Variants in ZNF382 observed in about 807,000 individuals in gnomAD.
ZNF382 encodes zinc finger protein 382, also known as KRAB/zinc finger suppressor protein 1.
Under a neutral mutation model 38.8 loss-of-function variants are expected in ZNF382, and 20 were observed. The observed-to-expected ratio is 0.51, with a 90% CI of 0.36 to 0.75. ZNF382 has a LOEUF of 0.75. Among genes scored for constraint, ZNF382 ranks in the 30% least tolerant of loss-of-function variants. The pLI is 0.00. For synonymous variants in ZNF382, 202 were observed against 223.1 expected (o/e 0.91, Z 0.84); for missense variants, 546 against 654.1 (o/e 0.83, Z 1.80).
chr19:36,614,167 C>T (rs2037102244), intron 4 of ZNF382, among the ~76,000 whole-genome samples: 1 of 152,000 alleles, frequency 6.6e-6, no homozygotes, highest in Admixed American at 6.6e-5. Flanking sequence ...TGGTGAAACT[C>T]CGTCTCTACT....
At chr19:36,624,088 CAAAAA>C (rs536686594) in intron 4 of ZNF382, among the ~76,000 whole-genome samples, 2 of 131,970 alleles carry the variant, frequency 1.5e-5, no homozygotes, top group African/African-American at 5.6e-5. Flanking sequence ...GACTTTGTCT[CAAAAA>C]AAAAAAGGAA....
chr19:36,610,107 T>A, intron 3 of ZNF382, 54 bp downstream of exon 3: 1 of 1,593,446 alleles, frequency 6.3e-7, no homozygotes, highest in South Asian at 1.1e-5. Context: ...TAAGAATTCC[T>A]GAAACATATA....
intron 4 of ZNF382, among the ~76,000 whole-genome samples, chr19:36,613,506 C>G (rs2037095984): frequency 6.6e-6 from 1 of 150,962 alleles, no homozygotes; most frequent in Non-Finnish European, 1.5e-5. Flanking sequence ...TCACCGCAAC[C>G]TCCGCTTCCC....
At chr19:36,622,534 C>T (rs1382320714) in intron 4 of ZNF382, among the ~76,000 whole-genome samples, 2 of 152,170 alleles carry the variant, frequency 1.3e-5, no homozygotes, top group African/African-American at 4.8e-5. Flanking sequence ...ACGATACATA[C>T]AGAGTACCAC....
In ZNF382 at chr19:36,626,869, T is replaced by C. The variant is rs2037218230; in HGVS notation, c.972T>C (p.Tyr324=). Residue 324 remains tyrosine (Y), a synonymous_variant, in exon 5 of 5, where the codon TAT becomes TAC. Transcript: ENST00000292928. ...HQRIHTGEKP[Y]VCNQCGKAFR... ...GAATTCACACAGGTGAAAAACCTTA[T>C]GTTTGCAATCAATGTGGAAAGGCCT... 9 of 1,614,236 alleles carry C rather than the reference T, an allele frequency of 5.6e-6. No homozygotes were observed. Among genetic ancestry groups the C allele is most frequent in the East Asian group, 2.2e-5 (1 of 44,878 alleles).
chr19:36,633,229 G>C lies in ZNF382; in HGVS notation c.*5679G>C, dbSNP rs560073441. The C allele has an allele frequency of 6.6e-6, 1 of 152,104 alleles. No homozygotes were observed. Among genetic ancestry groups the C allele is most frequent in the Non-Finnish European group, 1.5e-5 (1 of 68,120 alleles). The allele number at this position is 152,104 out of a possible 1,614,324, so 9.4% of individuals were successfully genotyped here. A position where few individuals can be genotyped will look rare whatever the true frequency, so the allele number is the denominator to read the frequency against. On this transcript the variant is annotated 3_prime_UTR_variant, in exon 5 of 5. Coordinates refer to ENST00000292928, the MANE Select transcript of ZNF382 (RefSeq NM_032825.5). ...AATTTTTTGTATTTTTAGTAGAGAC[G>C]GGGTTTTACTGTGTTAGCCAGGGTG...
chr19:36,629,167 GC>G lies in ZNF382; in HGVS notation c.*1619del. On this transcript the variant is annotated 3_prime_UTR_variant, in exon 5 of 5. Coordinates refer to ENST00000292928, the MANE Select transcript of ZNF382 (RefSeq NM_032825.5). ...GTAGAGACAGGGTTTCATCATGTTG[GC>G]CAGGCTGGTCTCGAACTCCTGACCT... is the stretch of plus-strand genomic sequence containing the variant. The G allele has an allele frequency of 6.6e-6, 1 of 152,216 alleles. No individual in the cohort carries two copies. Among genetic ancestry groups the G allele is most frequent in the Admixed American group, 6.5e-5 (1 of 15,278 alleles). The allele number at this position is 152,216 out of a possible 1,614,324, so 9.4% of individuals were successfully genotyped here.
Position 36,626,276 on chromosome 19 carries a change from C to A in ZNF382, c.379C>A (p.Arg127Ser). 1 of 1,601,610 alleles carries A rather than the reference C, an allele frequency of 6.2e-7. No individual in the cohort carries two copies. The highest frequency in any genetic ancestry group is 1.1e-5 in the South Asian group (1 of 87,962). ...TAAAACATTTACTCTAGGCAAGAAC[C>A]GTATTTCAAAAACAATACTATGTGA... ...YGKTFTLGKN[R>S]ISKTILCEYK... The change falls in exon 5 of 5, where the codon CGT becomes AGT. Residue 127 changes from arginine to serine, a missense_variant. Transcript: ENST00000292928.
chr19:36,625,993 C>A, intron 4 of ZNF382, 137 bp from the exon 5 acceptor site: 1 of 529,644 alleles, frequency 1.9e-6, no homozygotes, highest in Non-Finnish European at 3.1e-6. Context: ...TATACATTTT[C>A]CCTACCAAGA....
At position 36,626,631 on chromosome 19, in the gene ZNF382, A is replaced by G. The variant is rs1444313965; in HGVS notation, c.734A>G (p.Asp245Gly). ...GAAAGAACCTTTGAATACAATAAAG[A>G]TGGAATTGCCTTCATAGAAAAGTCA... ...RGERTFEYNKDGIAFIEKSSL... is the reference protein window; with the variant it reads ...RGERTFEYNKGGIAFIEKSSL... The change falls in exon 5 of 5, where the codon GAT becomes GGT. Residue 245 changes from aspartate (D) to glycine (G), a missense_variant. Physicochemically the swap from Asp to Gly is moderately conservative, Grantham distance 94. Coordinates refer to ENST00000292928, the MANE Select transcript of ZNF382 (RefSeq NM_032825.5). 8.1e-6 allele frequency: 13 copies of G among 1,614,204 alleles called. No individual in the cohort carries two copies. Among genetic ancestry groups the G allele is most frequent in the East Asian group, 2.2e-5 (1 of 44,882 alleles).
rs1482317037 is a variant in ZNF382 at position 36,633,259 on chromosome 19, C to G, written c.*5709C>G. ...TTTACTGTGTTAGCCAGGGTGGTGT[C>G]GATCTCCTGACCTCATGATCCGCCC... On this transcript the variant is annotated 3_prime_UTR_variant, in exon 5 of 5. Transcript: ENST00000292928. 1 of 151,744 alleles carries G rather than the reference C, an allele frequency of 6.6e-6. No homozygotes were observed. Among genetic ancestry groups the G allele is most frequent in the Admixed American group, 6.6e-5 (1 of 15,220 alleles). The allele number at this position is 151,744 out of a possible 1,614,324, so 9.4% of individuals were successfully genotyped here. A position where few individuals can be genotyped will look rare whatever the true frequency, so the allele number is the denominator to read the frequency against.
intron 4 of ZNF382, among the ~76,000 whole-genome samples, chr19:36,614,098 G>A (rs2145318580): frequency 6.6e-6 from 1 of 152,190 alleles, no homozygotes; most frequent in East Asian, 1.9e-4. Flanking sequence ...CCAGCACTTT[G>A]GGAGGCCGAG....
rs2037238504 is a variant in ZNF382 at position 36,629,265 on chromosome 19, C to A, written c.*1715C>A. The A allele has an allele frequency of 6.6e-6, 1 of 152,188 alleles. No individual in the cohort carries two copies. The allele number at this position is 152,188 out of a possible 1,614,324, so 9.4% of individuals were successfully genotyped here. On this transcript the variant is annotated 3_prime_UTR_variant, in exon 5 of 5. Transcript: ENST00000292928. Reference sequence around the variant, plus strand: ...GACTTTTAACTCTGGGGAAAGCTCTCTTTCATGAAAGAAGTCTAGCCATAC... The same window carrying A: ...GACTTTTAACTCTGGGGAAAGCTCTATTTCATGAAAGAAGTCTAGCCATAC...
chr19:36,627,412 A>T lies in ZNF382; in HGVS notation c.1515A>T (p.Ser505=). 1 of 1,614,198 alleles carries T rather than the reference A, an allele frequency of 6.2e-7. No individual in the cohort carries two copies. Among genetic ancestry groups the T allele is most frequent in the Non-Finnish European group, 8.5e-7 (1 of 1,180,032 alleles). ...GTGGGAAAGCCTTCAGTAGGAAATC[A>T]AACCTCATTCGCCATCAGAAAACTC... The part of the protein sequence containing the change: ...PQCGKAFSRK[S]NLIRHQKTHT... Residue 505 remains serine (S), a synonymous_variant, in exon 5 of 5, where the codon TCA becomes TCT. Coordinates refer to ENST00000292928, the MANE Select transcript of ZNF382 (RefSeq NM_032825.5).
Position 36,626,578 on chromosome 19 carries a change from A to G in ZNF382, c.681A>G (p.Leu227=), listed in dbSNP as rs368484341. The change falls in exon 5 of 5, where the codon CTA becomes CTG. Residue 227 remains leucine, a synonymous_variant. Transcript: ENST00000292928. The part of the protein sequence containing the change: ...CEKSFLMKGM[L]FTHTRAHRGE... ...AATCCTTCCTGATGAAAGGAATGCTATTTACACATACTAGAGCTCACAGAG... is the reference window on the plus strand; with the variant it reads ...AATCCTTCCTGATGAAAGGAATGCTGTTTACACATACTAGAGCTCACAGAG... 37 of 1,613,980 alleles carry G rather than the reference A, an allele frequency of 2.3e-5. No homozygotes were observed. Among genetic ancestry groups the G allele is most frequent in the Non-Finnish European group, 2.9e-5 (34 of 1,180,030 alleles).
intron 4 of ZNF382, among the ~76,000 whole-genome samples, chr19:36,614,931 C>G (rs1201082918): frequency 2.4e-3 from 183 of 75,082 alleles, no homozygotes; most frequent in Non-Finnish European, 2.8e-3. Context: ...TTCCCTTTCC[C>G]TTTCCCTTTC....
chr19:36,619,304 C>T (rs2037149886), intron 4 of ZNF382, among the ~76,000 whole-genome samples: 1 of 152,112 alleles, frequency 6.6e-6, no homozygotes, highest in African/African-American at 2.4e-5. Flanking sequence ...CTCAAAGAAG[C>T]CATCTCTACC....
intron 4 of ZNF382, among the ~76,000 whole-genome samples, chr19:36,617,997 A>G (rs539161711): frequency 6.6e-6 from 1 of 152,244 alleles, no homozygotes; most frequent in Non-Finnish European, 1.5e-5. Context: ...GTCTCGATGG[A>G]AAGACCAAGA....
intron 1 of ZNF382, among the ~76,000 whole-genome samples, chr19:36,607,253 G>A (rs192174880): frequency 2.0e-5 from 3 of 152,222 alleles, no homozygotes; most frequent in Middle Eastern, 3.4e-3. Flanking sequence ...TAAACCTGTG[G>A]TTAGAGGTAG....
Sources: allele counts gnomAD v4.1 joint callset (sites outside exome capture counted in the v4.1 genomes callset), GRCh38; gene constraint gnomAD v4.1.1; transcripts MANE v1.5; gene names NCBI Gene and HGNC (gene_info 2026-07-23, HGNC 2026-07-21).